KICS2: variants seen among roughly 807,000 people sequenced by gnomAD.
KICS2 encodes the protein KICSTOR complex protein C12orf66.
In KICS2, 13 loss-of-function variants were observed where a neutral mutation model predicts 31.4. The ratio of observed to expected loss-of-function variants is 0.41; its 90% confidence interval spans 0.27 to 0.66. The LOEUF (loss-of-function observed/expected upper bound fraction) is 0.66, where lower values mean the gene tolerates loss of function less well. KICS2 is among the 30% of genes least tolerant of loss of function. KICS2 has a pLI of 0.28. For missense variants in KICS2, 455 were observed against 545.4 expected, an observed-to-expected ratio of 0.83 and a Z score of 1.65; for synonymous variants, 209 against 214.8, an observed-to-expected ratio of 0.97 and a Z score of 0.24.
At chr12:64,216,383 G>A (rs187705078) in intron 1 of KICS2, among the ~76,000 whole-genome samples, 14 of 152,200 alleles carry the variant, frequency 9.2e-5, no homozygotes, top group African/African-American at 3.1e-4. Flanking sequence ...TCACATAGAT[G>A]TATTCAAAGC....
At chr12:64,216,010 C>G in intron 1 of KICS2, 47 bp from the exon 2 acceptor site, 1 of 1,521,886 alleles carries the variant, frequency 6.6e-7, no homozygotes, top group South Asian at 1.2e-5. Flanking sequence ...AAGGAGAAAC[C>G]GTAAGTACCA....
At position 64,191,368 on chromosome 12, in the gene KICS2, T is replaced by G. The variant is rs2037376980; in HGVS notation, c.*2474A>C. 2.0e-5 allele frequency: 3 copies of G among 152,242 alleles called. No homozygotes were observed. The allele number at this position is 152,242 out of a possible 1,614,324, so 9.4% of individuals were successfully genotyped here. On this transcript the variant is annotated 3_prime_UTR_variant, in exon 3 of 3. Coordinates refer to ENST00000398055, the MANE Select transcript of KICS2 (RefSeq NM_152440.5). ...GCCTTCTGTTCTTTGAAATTCTTTT[T>G]GTGTTTATGTTTAAAAATAGATATA...
At chr12:64,202,803 T>C (rs1025801506) in intron 2 of KICS2, among the ~76,000 whole-genome samples, 5 of 151,950 alleles carry the variant, frequency 3.3e-5, no homozygotes, top group Admixed American at 3.3e-4. Context: ...GTAATAGTAA[T>C]GTTTAAAGGG....
chr12:64,216,166 A>AATCATAAATACTTTATGATT (rs1265095794), intron 1 of KICS2, among the ~76,000 whole-genome samples: 199 of 145,018 alleles, frequency 1.4e-3, no homozygotes, highest in Admixed American at 2.1e-3. Flanking sequence ...ACTTTATGAT[A>AATCATAAATACTTTATGATT]ATCATAAATA....
chr12:64,210,357 G>C (rs1436019085), intron 2 of KICS2, among the ~76,000 whole-genome samples: 6 of 152,158 alleles, frequency 3.9e-5, no homozygotes, highest in African/African-American at 1.4e-4. Flanking sequence ...AGAGGATGAG[G>C]GTTTCAACTA....
downstream of KICS2, among the ~76,000 whole-genome samples, chr12:64,188,102 A>C (rs1023161565): frequency 2.6e-5 from 4 of 152,238 alleles, no homozygotes; most frequent in African/African-American, 9.6e-5. Flanking sequence ...AAACAATCAA[A>C]ATGAATACTT....
chr12:64,194,446 G>A lies in KICS2; in HGVS notation c.734C>T (p.Ser245Phe), dbSNP rs1415907911. The A allele has an allele frequency of 6.2e-7, 1 of 1,614,090 alleles. No homozygotes were observed. Among genetic ancestry groups the A allele is most frequent in the Non-Finnish European group, 8.5e-7 (1 of 1,180,056 alleles). ...ETKKHLFGGQ[S>F]QKAVQPPHLF... ...GTGTGGAGGCTGCACGGCCTTCTGA[G>A]ACTGCCCTCCAAACAGATGTTTCTT... Residue 245 changes from serine (S) to phenylalanine (F), a missense_variant, in exon 3 of 3, where the codon TCT becomes TTT. Transcript: ENST00000398055.
In KICS2 at chr12:64,193,311, G is replaced by A. The variant is rs887515105; in HGVS notation, c.*531C>T. On this transcript the variant is annotated 3_prime_UTR_variant, in exon 3 of 3. Coordinates refer to ENST00000398055, the MANE Select transcript of KICS2 (RefSeq NM_152440.5). The stretch of plus-strand genomic sequence containing the variant: ...ATAACTGATAGAAATTTCTTACCAA[G>A]ACCCTAATTTTGGCATCAAAAATGT... 2 of 985,556 alleles carry A rather than the reference G, an allele frequency of 2.0e-6. No individual in the cohort carries two copies. The highest frequency in any genetic ancestry group is 2.4e-6 in the Non-Finnish European group (2 of 830,234). The allele number at this position is 985,556 out of a possible 1,614,324, so 61.1% of individuals were successfully genotyped here. A position where few individuals can be genotyped will look rare whatever the true frequency, so the allele number is the denominator to read the frequency against.
In KICS2 at chr12:64,193,784, T is replaced by G; in HGVS notation, c.*58A>C. 1 of 1,538,712 alleles carries G rather than the reference T, an allele frequency of 6.5e-7. No individual in the cohort carries two copies. The highest frequency in any genetic ancestry group is 8.7e-7 in the Non-Finnish European group (1 of 1,144,010). On this transcript the variant is annotated 3_prime_UTR_variant, in exon 3 of 3. Transcript: ENST00000398055. ...AACTCTATTCACAGACCACCGTAGATCATTAGGGCAATTAAGAACAGTTTC... is the reference window on the plus strand; with the variant it reads ...AACTCTATTCACAGACCACCGTAGAGCATTAGGGCAATTAAGAACAGTTTC...
At chr12:64,194,824 A>G (rs1210740732) in intron 2 of KICS2, 166 bp from the exon 3 acceptor site, 4 of 639,124 alleles carry the variant, frequency 6.3e-6, no homozygotes, top group Non-Finnish European at 7.8e-6. Flanking sequence ...AAATTCTGAT[A>G]TAATTTCACC....
intron 1 of KICS2, among the ~76,000 whole-genome samples, chr12:64,220,337 C>G (rs193027255): frequency 6.6e-6 from 1 of 152,250 alleles, no homozygotes; most frequent in East Asian, 1.9e-4. Flanking sequence ...TTCTTACACA[C>G]AGGGCAGCCA....
intron 2 of KICS2, among the ~76,000 whole-genome samples, chr12:64,215,293 C>T (rs1359070573): frequency 6.6e-6 from 1 of 152,092 alleles, no homozygotes; most frequent in African/African-American, 2.4e-5. Context: ...GCCTGGGCAA[C>T]AGAAAATACA....
At chr12:64,217,874 A>G (rs80319714) in intron 1 of KICS2, among the ~76,000 whole-genome samples, 1 of 149,600 alleles carries the variant, frequency 6.7e-6, no homozygotes, top group Admixed American at 6.6e-5. Flanking sequence ...AGAAAAGAAA[A>G]GAAAGGAAAG....
chr12:64,212,361 T>A (rs1189829544), intron 2 of KICS2, among the ~76,000 whole-genome samples: 1 of 152,222 alleles, frequency 6.6e-6, no homozygotes, highest in East Asian at 1.9e-4. Context: ...GAATTTGTAA[T>A]CTACTTGCTG....
chr12:64,201,771 G>GT (rs1387965659), intron 2 of KICS2, among the ~76,000 whole-genome samples: 5 of 145,498 alleles, frequency 3.4e-5, no homozygotes, highest in Admixed American at 2.1e-4. Context: ...TGAACCTGGG[G>GT]TGGGGGGGCA....
At chr12:64,211,625 A>G (rs948640998) in intron 2 of KICS2, among the ~76,000 whole-genome samples, 2 of 152,224 alleles carry the variant, frequency 1.3e-5, no homozygotes, top group African/African-American at 4.8e-5. Context: ...TCTTAAAGAA[A>G]AAAAAAACCT....
rs1359016360 is a variant in KICS2, at chr12:64,215,636, T to C, written c.521+42A>G. 18 of 1,545,130 alleles carry C rather than the reference T, an allele frequency of 1.2e-5. No homozygotes were observed. In the East Asian group the frequency reaches 3.8e-4, roughly 33 times the overall value. The stretch of plus-strand genomic sequence containing the variant: ...AAACTCTGAGCTTGTGTGGGATTGA[T>C]AGGACAGCCACGCTTTCTCCCTCCC... On this transcript the variant is annotated intron_variant, in intron 2 of 2. Transcript: ENST00000398055.
intron 1 of KICS2, among the ~76,000 whole-genome samples, chr12:64,219,641 A>AGAAG (rs963268879): frequency 2.6e-5 from 4 of 152,214 alleles, no homozygotes; most frequent in East Asian, 1.9e-4. Context: ...CATGAAAGAA[A>AGAAG]GAAGGAAGGA....
rs1485707770 is a variant in KICS2, at chr12:64,220,685, C to A, written c.235+1318G>T. On this transcript the variant is annotated intron_variant, in intron 1 of 2. Transcript: ENST00000398055. The stretch of plus-strand genomic sequence containing the variant: ...ACCCCATTTTCACATATATAAAAAA[C>A]ATATATCTGTATATATTATACATAA... Among the ~76,000 whole-genome samples the A allele has an allele frequency of 2.6e-5, 4 of 152,056 alleles. No individual in the cohort carries two copies. The East Asian group carries it at 7.7e-4, about 29-fold the overall frequency.
Sources: gnomAD v4.1 joint callset for allele counts (sites outside exome capture counted in the v4.1 genomes callset) on GRCh38, gnomAD v4.1.1 for gene constraint, MANE v1.5 for transcripts, NCBI Gene and HGNC (gene_info 2026-07-23, HGNC 2026-07-21) for gene names.